Variants in ME3 observed in about 807,000 individuals in gnomAD.
ME3 encodes the protein NADP-dependent malic enzyme, mitochondrial.
A neutral mutation model predicts 68.9 loss-of-function variants in ME3; 48 were observed. The observed-to-expected ratio is 0.70, with a 90% CI of 0.55 to 0.89. ME3 has a LOEUF of 0.89. Among genes scored for constraint, ME3 ranks in the 40% least tolerant of loss-of-function variants. The pLI, the probability that ME3 is intolerant of heterozygous loss-of-function variation, is 0.00. For synonymous variants in ME3, 320 were observed against 318.8 expected (o/e 1.00, Z -0.04); for missense variants, 675 against 797.4 (o/e 0.85, Z 1.85).
chr11:86,557,473 A>T (rs1213726401), intron 3 of ME3, among the ~76,000 whole-genome samples: 3 of 152,158 alleles, frequency 2.0e-5, no homozygotes, highest in East Asian at 1.9e-4. Context: ...ATGAGGTGGG[A>T]TGGGAGAAAT....
At chr11:86,481,822 G>C (rs1487659565) in intron 7 of ME3, among the ~76,000 whole-genome samples, 7 of 152,100 alleles carry the variant, frequency 4.6e-5, no homozygotes, top group Non-Finnish European at 1.0e-4. Flanking sequence ...AGGTCACAAG[G>C]CTCCTCACAG....
intron 4 of ME3, among the ~76,000 whole-genome samples, chr11:86,535,071 C>T (rs1955556053): frequency 6.6e-6 from 1 of 152,128 alleles, no homozygotes; most frequent in African/African-American, 2.4e-5. Flanking sequence ...CCTCTCAGTT[C>T]AATAATCAAA....
At chr11:86,598,136 A>AGGGCAAGG (rs1959859379) in intron 2 of ME3, among the ~76,000 whole-genome samples, 1 of 152,164 alleles carries the variant, frequency 6.6e-6, no homozygotes, top group Admixed American at 6.5e-5. Flanking sequence ...CAGCCGAAGC[A>AGGGCAAGG]GGGCAAGGCA....
At chr11:86,615,650 A>G (rs1942905457) in intron 2 of ME3, among the ~76,000 whole-genome samples, 1 of 152,148 alleles carries the variant, frequency 6.6e-6, no homozygotes, top group Non-Finnish European at 1.5e-5. Context: ...TTTACCCCAT[A>G]CACATGGGGG....
intron 2 of ME3, among the ~76,000 whole-genome samples, chr11:86,619,285 A>T (rs569525579): frequency 6.6e-6 from 1 of 152,232 alleles, no homozygotes; most frequent in Non-Finnish European, 1.5e-5. Context: ...TTAAATATGC[A>T]ATCTTGTTGG....
intron 5 of ME3, among the ~76,000 whole-genome samples, chr11:86,504,164 G>C (rs555843693): frequency 6.6e-6 from 1 of 152,156 alleles, no homozygotes; most frequent in South Asian, 2.1e-4. Flanking sequence ...AGTTGATTCA[G>C]AGGCTCCTCT....
intron 2 of ME3, among the ~76,000 whole-genome samples, chr11:86,603,657 G>A (rs1961109730): frequency 1.3e-5 from 2 of 151,982 alleles, no homozygotes; most frequent in Non-Finnish European, 2.9e-5. Context: ...TATGTTTATT[G>A]CGGCACTATT....
At chr11:86,486,185 C>G (rs1388786979) in intron 7 of ME3, among the ~76,000 whole-genome samples, 1 of 152,188 alleles carries the variant, frequency 6.6e-6, no homozygotes, top group African/African-American at 2.4e-5. Flanking sequence ...CAGGTGTGCA[C>G]TGGATCCTTT....
At chr11:86,547,667 A>G (rs559652568) in intron 4 of ME3, among the ~76,000 whole-genome samples, 9 of 152,308 alleles carry the variant, frequency 5.9e-5, no homozygotes, top group Admixed American at 5.9e-4. Context: ...CCAAAAACAA[A>G]AAAAATAAGA....
rs143539345 is a variant in ME3, at chr11:86,619,644, A to G, written c.183+52118T>C. Among the ~76,000 whole-genome samples, 142 of 152,362 alleles carry G rather than the reference A, an allele frequency of 9.3e-4. 3 individuals carry two copies. The East Asian group carries it at 0.024, about 26-fold the overall frequency. On this transcript the variant is annotated intron_variant, in intron 2 of 14. Coordinates refer to ENST00000543262, the Ensembl canonical transcript of ME3. ...TTCTCATTCTTTCTTGTCCTCTGCC[A>G]TGTAAGACGTGCTTCTACCTTCTGC...
At chr11:86,592,451 C>T (rs1959119236) in intron 2 of ME3, among the ~76,000 whole-genome samples, 1 of 152,206 alleles carries the variant, frequency 6.6e-6, no homozygotes, top group Non-Finnish European at 1.5e-5. Flanking sequence ...TTCAAGGAAG[C>T]AAATGTCAAG....
chr11:86,475,930 ACCCT>A lies in ME3; in HGVS notation c.810-10734_810-10731del, dbSNP rs1362094871. ...AGAAAGAGAGAGAGAGAGAGCAGTG[ACCCT>A]CTATGCTGAGAGGGACTCAGAATGT... On this transcript the variant is annotated intron_variant, in intron 7 of 14. Transcript: ENST00000543262. Among the ~76,000 whole-genome samples, 59 of 146,944 alleles carry A rather than the reference ACCCT, an allele frequency of 4.0e-4. 1 individual carries two copies. Among genetic ancestry groups the A allele is most frequent in the African/African-American group, 1.5e-3 (58 of 39,440 alleles).
At chr11:86,441,838 A>C (rs182506586) in intron 14 of ME3, among the ~76,000 whole-genome samples, 549 of 151,960 alleles carry the variant, frequency 3.6e-3, no homozygotes, top group Middle Eastern at 0.014. Flanking sequence ...TTTTTTTTCC[A>C]CTTGAATATG....
At chr11:86,588,052 C>A (rs1245638892) in intron 2 of ME3, among the ~76,000 whole-genome samples, 4 of 152,128 alleles carry the variant, frequency 2.6e-5, no homozygotes, top group Non-Finnish European at 5.9e-5. Flanking sequence ...CATACAAAGT[C>A]CTTTGTGTAT....
chr11:86,471,840 A>G (rs891171306), intron 7 of ME3, among the ~76,000 whole-genome samples: 2 of 152,214 alleles, frequency 1.3e-5, no homozygotes, highest in African/African-American at 4.8e-5. Context: ...CAAAGTGTCT[A>G]CTATGAACAA....
At chr11:86,561,425 G>A (rs117512424) in intron 2 of ME3, among the ~76,000 whole-genome samples, 2 of 152,270 alleles carry the variant, frequency 1.3e-5, no homozygotes, top group East Asian at 1.9e-4. Flanking sequence ...AGTTGACAGA[G>A]CAAGGAAATA....
In ME3 at chr11:86,556,475, T is replaced by C. The variant is rs1280685509; in HGVS notation, c.467+78A>G. On this transcript the variant is annotated intron_variant, in intron 4 of 14. Coordinates refer to ENST00000543262, the Ensembl canonical transcript of ME3. The stretch of plus-strand genomic sequence containing the variant: ...TCAGAGTTAGCCTCCAGAGTCCCAA[T>C]ATGCATGAAGGGCGGAAAGAATTTA... 4.7e-6 allele frequency: 7 copies of C among 1,504,324 alleles called. No homozygotes were observed. The Admixed American group carries it at 6.1e-5, about 13-fold the overall frequency. The allele number at this position is 1,504,324 out of a possible 1,614,324, so 93.2% of individuals were successfully genotyped here. A position where few individuals can be genotyped will look rare whatever the true frequency, so the allele number is the denominator to read the frequency against.
chr11:86,653,375 A>C (rs993534092), intron 2 of ME3, among the ~76,000 whole-genome samples: 80 of 152,218 alleles, frequency 5.3e-4, no homozygotes, highest in Admixed American at 2.0e-3. Context: ...TGTAAAAGAC[A>C]AAAAATTATA....
intron 1 of ME3, 77 bp from the exon 2 acceptor site, chr11:86,672,035 C>T: frequency 8.4e-7 from 1 of 1,191,148 alleles, no homozygotes; most frequent in Non-Finnish European, 1.1e-6. Flanking sequence ...GGCACCGGGC[C>T]TGATCCGGGG....
Sources: allele counts gnomAD v4.1 joint callset (sites outside exome capture counted in the v4.1 genomes callset), GRCh38; gene constraint gnomAD v4.1.1; transcripts MANE v1.5; gene names NCBI Gene and HGNC (gene_info 2026-07-23, HGNC 2026-07-21).